Variants in CLMN observed in about 807,000 individuals in gnomAD.
The protein encoded by CLMN is calmin.
A neutral mutation model predicts 92.7 loss-of-function variants in CLMN; 57 were observed. The observed-to-expected ratio is 0.61, with a 90% CI of 0.50 to 0.77. The LOEUF (loss-of-function observed/expected upper bound fraction) is 0.77. Ranked by LOEUF, CLMN falls within the 30% of genes least tolerant of loss-of-function variation. CLMN has a pLI of 0.00. For synonymous variants in CLMN, 466 were observed against 470.6 expected (o/e 0.99, Z 0.13); for missense variants, 1,158 against 1,237.5 (o/e 0.94, Z 0.96).
chr14:95,200,779 T>A (rs1470393677), intron 9 of CLMN, among the ~76,000 whole-genome samples: 1 of 151,958 alleles, frequency 6.6e-6, no homozygotes, highest in African/African-American at 2.4e-5. Context: ...CACACCAATT[T>A]CAAACCACAG....
intron 9 of CLMN, among the ~76,000 whole-genome samples, chr14:95,199,796 C>T (rs913197883): frequency 1.3e-5 from 2 of 151,922 alleles, no homozygotes; most frequent in African/African-American, 4.8e-5. Context: ...TAACTGCTTG[C>T]CCAGATGGTG....
At chr14:95,254,653 C>A (rs1374510118) in intron 1 of CLMN, among the ~76,000 whole-genome samples, 3 of 152,164 alleles carry the variant, frequency 2.0e-5, no homozygotes, top group African/African-American at 7.2e-5. Context: ...ATGTTCAAGT[C>A]CTAACCCAAG....
rs1399060731 is a variant in CLMN at position 95,221,686 on chromosome 14, C to T, written c.324+5G>A. 1 of 1,612,794 alleles carries T rather than the reference C, an allele frequency of 6.2e-7. No homozygotes were observed. The highest frequency in any genetic ancestry group is 1.1e-5 in the South Asian group (1 of 90,946). On this transcript the variant is annotated splice_donor_5th_base_variant and intron_variant, in intron 4 of 12. Transcript: ENST00000298912. The stretch of plus-strand genomic sequence containing the variant: ...GTGTTAGCAGGATGAGCTTCAAACA[C>T]TTACATTGCTATCTTCCAAAAACTT...
At chr14:95,305,352 C>T (rs914623651) in intron 1 of CLMN, among the ~76,000 whole-genome samples, 18 of 152,200 alleles carry the variant, frequency 1.2e-4, no homozygotes, top group Admixed American at 1.0e-3. Context: ...CTCAAAGCTC[C>T]GCCCCAACCC....
chr14:95,219,519 G>T (rs1033724077), intron 4 of CLMN, among the ~76,000 whole-genome samples: 4 of 152,222 alleles, frequency 2.6e-5, no homozygotes, highest in African/African-American at 9.6e-5. Flanking sequence ...GCTGGTGCAT[G>T]GCTAACCTGT....
At chr14:95,283,450 T>G (rs372860086) in intron 1 of CLMN, among the ~76,000 whole-genome samples, 3 of 152,164 alleles carry the variant, frequency 2.0e-5, no homozygotes, top group African/African-American at 7.2e-5. Flanking sequence ...CCCAAAAACG[T>G]GGAAGCGACT....
At chr14:95,241,296 G>A (rs1330945424) in intron 1 of CLMN, among the ~76,000 whole-genome samples, 1 of 152,032 alleles carries the variant, frequency 6.6e-6, no homozygotes, top group African/African-American at 2.4e-5. Context: ...TGGGACATTT[G>A]GGGCTCAAAC....
chr14:95,317,426 C>T (rs776029869), intron 1 of CLMN, among the ~76,000 whole-genome samples: 3 of 152,178 alleles, frequency 2.0e-5, no homozygotes, highest in South Asian at 2.1e-4. Flanking sequence ...CCAAAAGACA[C>T]GGACAGCTTC....
At position 95,210,838 on chromosome 14, in the gene CLMN, C is replaced by T. The variant is rs201691140; in HGVS notation, c.650G>A (p.Ser217Asn). The change falls in exon 7 of 13, where the codon AGT becomes AAT. Residue 217 changes from serine (S) to asparagine (N), a missense_variant. By Grantham distance (46) the Ser-to-Asn change is conservative. Transcript: ENST00000298912. ...GATCACCGCCAGGAAAGCCAGCCCA[C>T]TCCTCCAACTGCCCGCAAAGTCCTG... is the stretch of plus-strand genomic sequence containing the variant. The part of the protein sequence containing the change: ...AVQDFAGSWR[S>N]GLAFLAVIKA... 3.1e-5 allele frequency: 48 copies of T among 1,566,070 alleles called. No homozygotes were observed. The East Asian group carries it at 7.1e-4, about 23-fold the overall frequency.
chr14:95,206,002 T>A (rs1897036900), intron 8 of CLMN, among the ~76,000 whole-genome samples: 1 of 151,922 alleles, frequency 6.6e-6, no homozygotes, highest in Non-Finnish European at 1.5e-5. Flanking sequence ...AATGACAGAG[T>A]TTGTCAGAAT....
In CLMN at chr14:95,194,196, G is replaced by T; in HGVS notation, c.2770-277C>A. 7.2e-7 allele frequency: 1 copy of T among 1,397,296 alleles called. No individual in the cohort carries two copies. The highest frequency in any genetic ancestry group is 2.7e-5 in the East Asian group (1 of 37,508). 86.6% of individuals were successfully genotyped at this position (1,397,296 alleles called of 1,614,324 possible). On this transcript the variant is annotated intron_variant, in intron 11 of 12. Transcript: ENST00000298912. The surrounding 1 kb of genome is among the most constrained non-coding windows in gnomAD (Gnocchi z 4.0). ...TTCTAACACATCTGCTACTGAGCAC[G>T]TGCCACTGTCCATCGGACCTTGACT...
chr14:95,224,575 G>A (rs573170299), intron 2 of CLMN, among the ~76,000 whole-genome samples: 4 of 152,270 alleles, frequency 2.6e-5, no homozygotes, highest in South Asian at 4.1e-4. Context: ...GAGCCACTGC[G>A]CCCGGCCACC....
chr14:95,305,724 C>A (rs927379180), intron 1 of CLMN, among the ~76,000 whole-genome samples: 2 of 152,238 alleles, frequency 1.3e-5, no homozygotes, highest in Admixed American at 6.5e-5. Flanking sequence ...TGAAAAGAGA[C>A]CAGCACCAAC....
At chr14:95,260,214 G>A (rs1380376192) in intron 1 of CLMN, among the ~76,000 whole-genome samples, 1 of 152,194 alleles carries the variant, frequency 6.6e-6, no homozygotes, top group African/African-American at 2.4e-5. Flanking sequence ...GGCCGAGGCA[G>A]GCAGATCACG....
At chr14:95,253,691 C>A (rs1302954787) in intron 1 of CLMN, among the ~76,000 whole-genome samples, 1 of 151,484 alleles carries the variant, frequency 6.6e-6, no homozygotes, top group Non-Finnish European at 1.5e-5. Context: ...CGGCTCACTG[C>A]AAGCTCCGCC....
chr14:95,215,779 G>T, intron 4 of CLMN, 46 bp from the exon 5 acceptor site: 1 of 1,364,680 alleles, frequency 7.3e-7, no homozygotes, highest in African/African-American at 1.4e-5. Context: ...GTCCAGGGAG[G>T]ATAACATATG....
intron 5 of CLMN, among the ~76,000 whole-genome samples, chr14:95,214,591 A>G (rs1199491838): frequency 1.3e-5 from 2 of 151,314 alleles, no homozygotes; most frequent in Admixed American, 1.3e-4. Context: ...GGCTCAAGCG[A>G]CCCTGCCGCC....
At chr14:95,305,585 T>G (rs1363072704) in intron 1 of CLMN, among the ~76,000 whole-genome samples, 2 of 152,152 alleles carry the variant, frequency 1.3e-5, no homozygotes, top group Non-Finnish European at 2.9e-5. Flanking sequence ...AGGAATGATA[T>G]CCAAGTAAAA....
chr14:95,301,356 G>A (rs966184477), intron 1 of CLMN, among the ~76,000 whole-genome samples: 2 of 152,168 alleles, frequency 1.3e-5, no homozygotes, highest in South Asian at 4.1e-4. Context: ...AATGCGGGGG[G>A]AATTTTTGAC....
Sources: gnomAD v4.1 joint callset for allele counts (sites outside exome capture counted in the v4.1 genomes callset) on GRCh38, gnomAD v4.1.1 for gene constraint, Gnocchi (gnomAD v3.1) non-coding constraint, MANE v1.5 for transcripts, NCBI Gene and HGNC (gene_info 2026-07-23, HGNC 2026-07-21) for gene names.